EVI5: variants seen among roughly 807,000 people sequenced by gnomAD.
The protein encoded by EVI5 is ecotropic viral integration site 5, also known as ecotropic viral integration site 5 protein homolog.
Under a neutral mutation model 112.0 loss-of-function variants are expected in EVI5, and 73 were observed. The ratio of observed to expected loss-of-function variants is 0.65; its 90% CI spans 0.54 to 0.79. The LOEUF is 0.79. Among genes scored for constraint, EVI5 ranks in the 30% least tolerant of loss-of-function variants. The pLI is 0.00. For synonymous variants in EVI5, 305 were observed against 319.9 expected, an observed-to-expected ratio of 0.95 and a Z score of 0.50; for missense variants, 900 against 968.8, an observed-to-expected ratio of 0.93 and a Z score of 0.94.
intron 13 of EVI5, among the ~76,000 whole-genome samples, chr1:92,651,136 T>G (rs879847255): frequency 2.0e-5 from 3 of 152,254 alleles, no homozygotes; most frequent in Non-Finnish European, 4.4e-5. Context: ...TTTTCTTGTT[T>G]ACTATTATCG....
At chr1:92,792,062 C>T (rs34250288) in intron 1 of EVI5, among the ~76,000 whole-genome samples, 31,518 of 152,096 alleles carry the variant, frequency 0.21, 3,717 homozygotes, top group Non-Finnish European at 0.26. Context: ...GAGAGAATTG[C>T]GGCAAGTGTT....
chr1:92,636,478 G>T, intron 13 of EVI5, 142 bp from the exon 14 acceptor site: 1 of 638,430 alleles, frequency 1.6e-6, no homozygotes, highest in Non-Finnish European at 2.6e-6. Context: ...TATTTCCAAT[G>T]TATCTCCTCC....
At chr1:92,604,695 C>T (rs1357233824) in intron 18 of EVI5, among the ~76,000 whole-genome samples, 1 of 152,204 alleles carries the variant, frequency 6.6e-6, no homozygotes, top group South Asian at 2.1e-4. Context: ...ATGTGCTATA[C>T]ACAACTGTAC....
chr1:92,686,165 C>T (rs1668499845), intron 9 of EVI5, among the ~76,000 whole-genome samples: 1 of 152,114 alleles, frequency 6.6e-6, no homozygotes. Flanking sequence ...ATTGGCAAAC[C>T]GAATACAGCA....
At chr1:92,693,627 G>A (rs1203845488) in intron 9 of EVI5, among the ~76,000 whole-genome samples, 175 bp downstream of exon 9, 1 of 152,040 alleles carries the variant, frequency 6.6e-6, no homozygotes, top group Non-Finnish European at 1.5e-5. Flanking sequence ...GGTAGTACAT[G>A]CTAGTCCCAT....
chr1:92,640,053 T>C (rs550137670), intron 13 of EVI5, among the ~76,000 whole-genome samples: 27 of 152,342 alleles, frequency 1.8e-4, no homozygotes, highest in African/African-American at 6.5e-4. Flanking sequence ...GAAAACTGGC[T>C]AGCCATATGC....
intron 18 of EVI5, among the ~76,000 whole-genome samples, chr1:92,578,716 TAAAA>T (rs71586756): frequency 8.2e-6 from 1 of 121,614 alleles, no homozygotes; most frequent in Non-Finnish European, 1.7e-5. Flanking sequence ...AGACTCTGTC[TAAAA>T]AAAAAAAAAA....
At chr1:92,777,248 A>T (rs1346443469) in intron 1 of EVI5, among the ~76,000 whole-genome samples, 2 of 152,126 alleles carry the variant, frequency 1.3e-5, no homozygotes, top group African/African-American at 4.8e-5. Context: ...GCCCATTATG[A>T]CTTTTTAATA....
chr1:92,602,351 T>C (rs986031010), intron 18 of EVI5, among the ~76,000 whole-genome samples: 6 of 152,204 alleles, frequency 3.9e-5, no homozygotes, highest in African/African-American at 1.4e-4. Flanking sequence ...TATCATATTA[T>C]ACAAGAAGTA....
chr1:92,523,285 A>G (rs2101749590), intron 19 of EVI5, among the ~76,000 whole-genome samples: 1 of 152,286 alleles, frequency 6.6e-6, no homozygotes, highest in Non-Finnish European at 1.5e-5. Flanking sequence ...AATCATTAAA[A>G]TATGCACTTT....
intron 19 of EVI5, among the ~76,000 whole-genome samples, chr1:92,536,527 T>C (rs1371289605): frequency 6.6e-6 from 1 of 152,186 alleles, no homozygotes; most frequent in Non-Finnish European, 1.5e-5. Context: ...ACAGCAGGGA[T>C]AACCTGTAAA....
intron 2 of EVI5, among the ~76,000 whole-genome samples, chr1:92,721,327 C>G (rs1193373054): frequency 6.6e-6 from 1 of 152,120 alleles, no homozygotes; most frequent in Non-Finnish European, 1.5e-5. Flanking sequence ...CACATATATA[C>G]CATGGAATAC....
upstream of EVI5, among the ~76,000 whole-genome samples, chr1:92,786,856 C>T (rs1685678086): frequency 6.6e-6 from 1 of 152,232 alleles, no homozygotes; most frequent in African/African-American, 2.4e-5. Context: ...ACCCTGCTGT[C>T]TGTGCTCCAG....
At chr1:92,703,690 TA>T in intron 3 of EVI5, 71 bp from the exon 4 acceptor site, 1 of 915,564 alleles carries the variant, frequency 1.1e-6, no homozygotes, top group Non-Finnish European at 1.6e-6. Context: ...GAAGACTTAT[TA>T]GGGGGTTGGA....
At chr1:92,753,409 T>C (rs1320431089) in intron 1 of EVI5, among the ~76,000 whole-genome samples, 1 of 152,198 alleles carries the variant, frequency 6.6e-6, no homozygotes, top group Non-Finnish European at 1.5e-5. Flanking sequence ...ATGCAAGCCA[T>C]ATCAGTTAAG....
intron 19 of EVI5, among the ~76,000 whole-genome samples, chr1:92,526,875 G>A (rs1661965005): frequency 6.6e-6 from 1 of 152,116 alleles, no homozygotes; most frequent in Admixed American, 6.5e-5. Context: ...TGTCAATGTT[G>A]GCTCATCAAT....
rs1024838291 is a variant in EVI5 at position 92,512,538 on chromosome 1, G to A, written c.*1118C>T. On this transcript the variant is annotated 3_prime_UTR_variant, in exon 20 of 20. Coordinates refer to ENST00000684568, the MANE Select transcript of EVI5 (RefSeq NM_001350197.2). ...ACAGAAGTCCTGTTAGATGCTGAAA[G>A]CAGTCATTTTGCAACATGTATGTTC... 9 of 152,292 alleles carry A rather than the reference G, an allele frequency of 5.9e-5. 1 individual carries two copies. Among genetic ancestry groups the A allele is most frequent in the Admixed American group, 3.9e-4 (6 of 15,296 alleles). The allele number at this position is 152,292 out of a possible 1,614,324, so 9.4% of individuals were successfully genotyped here. A position where few individuals can be genotyped will look rare whatever the true frequency, so the allele number is the denominator to read the frequency against.
chr1:92,583,693 T>C (rs959624662), intron 18 of EVI5, among the ~76,000 whole-genome samples: 1 of 151,272 alleles, frequency 6.6e-6, no homozygotes, highest in Admixed American at 6.6e-5. Context: ...GTATTAGAAG[T>C]ATAAGCTACT....
At chr1:92,600,577 A>G (rs529504388) in intron 18 of EVI5, among the ~76,000 whole-genome samples, 1 of 152,322 alleles carries the variant, frequency 6.6e-6, no homozygotes, top group East Asian at 1.9e-4. Context: ...CGTAGTCCAT[A>G]GAGAGGGTGG....
Sources: allele counts gnomAD v4.1 joint callset (sites outside exome capture counted in the v4.1 genomes callset), GRCh38; gene constraint gnomAD v4.1.1; transcripts MANE v1.5; gene names NCBI Gene and HGNC (gene_info 2026-07-23, HGNC 2026-07-21).